Variants in PPP1R10 observed in about 807,000 individuals in gnomAD.
PPP1R10 encodes serine/threonine-protein phosphatase 1 regulatory subunit 10.
PPP1R10 carries 15 observed loss-of-function variants against 99.0 expected under a neutral mutation model. The ratio of observed to expected loss-of-function variants is 0.15; its 90% CI spans 0.10 to 0.23. PPP1R10 has a LOEUF of 0.23. Among genes scored for constraint, PPP1R10 ranks in the 10% least tolerant of loss-of-function variants. The pLI is 1.00. For missense variants in PPP1R10, 947 were observed against 1,259.4 expected, an observed-to-expected ratio of 0.75 and a Z score of 3.75; for synonymous variants, 430 against 449.5, an observed-to-expected ratio of 0.96 and a Z score of 0.55.
intron 6 of PPP1R10, among the ~76,000 whole-genome samples, chr6:30,607,057 G>C (rs1804025291): frequency 6.6e-6 from 1 of 152,178 alleles, no homozygotes; most frequent in African/African-American, 2.4e-5. Flanking sequence ...GTTCTACTTG[G>C]ATAACTTTCA....
Position 30,603,830 on chromosome 6 carries a change from C to G in PPP1R10, c.1522G>C (p.Asp508His), listed in dbSNP as rs1803634975. The change falls in exon 15 of 20, where the codon GAT becomes CAT. Residue 508 changes from aspartate (D) to histidine (H), a missense_variant. Coordinates refer to ENST00000376511, the MANE Select transcript of PPP1R10 (RefSeq NM_002714.4). ...GGTATGGGCTCGTAGGGCTCAGGAT[C>G]AGGCTCATGAGGACTATCAGGAACA... ...FLNKESPHEP[D>H]PEPYEPIPPK... 1 of 1,538,534 alleles carries G rather than the reference C, an allele frequency of 6.5e-7. No homozygotes were observed. Among genetic ancestry groups the G allele is most frequent in the Non-Finnish European group, 8.7e-7 (1 of 1,144,876 alleles).
At position 30,602,105 on chromosome 6, in the gene PPP1R10, A is replaced by G. The variant is rs776028371; in HGVS notation, c.2544T>C (p.His848=). 1.3e-6 allele frequency: 2 copies of G among 1,599,102 alleles called. No individual in the cohort carries two copies. The highest frequency in any genetic ancestry group is 1.7e-6 in the Non-Finnish European group (2 of 1,171,980). ...SMGGSGGHRP[H]EGPGHGGPHG... is the part of the protein sequence containing the mutation. The stretch of plus-strand genomic sequence containing the variant: ...GGGGCCCCCCGTGTCCAGGGCCTTC[A>G]TGGGGACGATGTCCACCACTTCCAC... Residue 848 remains histidine (H), a synonymous_variant, in exon 19 of 20, where the codon CAT becomes CAC. Transcript: ENST00000376511. This position sits in a 1 kb window ranked among gnomAD's most constrained non-coding sequence, Gnocchi z 6.7.
intron 2 of PPP1R10, among the ~76,000 whole-genome samples, chr6:30,615,193 C>A (rs1343010946): frequency 6.7e-6 from 1 of 148,802 alleles, no homozygotes; most frequent in Non-Finnish European, 1.5e-5. Context: ...CCGGCTCTGC[C>A]GGTAGCTTCA....
chr6:30,603,878 TGA>T, intron 14 of PPP1R10, 35 bp from the exon 15 acceptor site: 1 of 1,524,008 alleles, frequency 6.6e-7, no homozygotes. Context: ...GAAAAAAGAA[TGA>T]TAGTCAAGTT....
chr6:30,615,870 C>A (rs1289831777), intron 2 of PPP1R10, among the ~76,000 whole-genome samples: 3 of 152,046 alleles, frequency 2.0e-5, no homozygotes, highest in Non-Finnish European at 4.4e-5. Flanking sequence ...AGATTGCCAC[C>A]TATTTTAACC....
At chr6:30,611,284 TGA>T (rs1283911262) in intron 2 of PPP1R10, among the ~76,000 whole-genome samples, 2 of 152,100 alleles carry the variant, frequency 1.3e-5, no homozygotes, top group East Asian at 3.8e-4. Flanking sequence ...CACTCCAGCC[TGA>T]GAGACAGAGT....
At chr6:30,611,628 T>TG (rs1295330082) in intron 2 of PPP1R10, among the ~76,000 whole-genome samples, 3 of 152,176 alleles carry the variant, frequency 2.0e-5, no homozygotes, top group Non-Finnish European at 4.4e-5. Flanking sequence ...AAAACGTCAG[T>TG]AAGTTTCCAA....
chr6:30,607,329 G>C (rs1582656020), intron 6 of PPP1R10, among the ~76,000 whole-genome samples: 1 of 152,122 alleles, frequency 6.6e-6, no homozygotes, highest in African/African-American at 2.4e-5. Flanking sequence ...ACAATCTGAA[G>C]ACTTTTTATT....
chr6:30,603,156 A>G, intron 17 of PPP1R10, 54 bp downstream of exon 17: 4 of 1,549,240 alleles, frequency 2.6e-6, no homozygotes, highest in Non-Finnish European at 3.6e-6. Flanking sequence ...TGCTTCCCCC[A>G]ACTCCACTGC....
At position 30,604,780 on chromosome 6, in the gene PPP1R10, A is replaced by G. The variant is rs1274375472; in HGVS notation, c.955-45T>C. On this transcript the variant is annotated intron_variant, in intron 11 of 19. Transcript: ENST00000376511. This position sits in a 1 kb window ranked among gnomAD's most constrained non-coding sequence, Gnocchi z 7.3. ...AGTTAATGAACTGACTGGAAAGCCA[A>G]GGGCAAGGCAATTAGTCCAGGGTCC... 1.2e-6 allele frequency: 2 copies of G among 1,611,644 alleles called. No individual in the cohort carries two copies. The highest frequency in any genetic ancestry group is 2.2e-5 in the South Asian group (2 of 91,056).
rs1301934484 is a variant in PPP1R10 at position 30,602,492 on chromosome 6, A to C, written c.2157T>G (p.Pro719=). 1 of 1,570,214 alleles carries C rather than the reference A, an allele frequency of 6.4e-7. No individual in the cohort carries two copies. Among genetic ancestry groups the C allele is most frequent in the East Asian group, 2.3e-5 (1 of 43,810 alleles). ...GRGGNEPPPP[P]PPFRGARGGR... is the part of the protein sequence containing the mutation. ...CTCCTCTGGCGCCTCGGAATGGAGG[A>C]GGAGGAGGAGGAGGTTCGTTTCCTC... is the stretch of plus-strand genomic sequence containing the variant. Residue 719 remains proline (P), a synonymous_variant, in exon 19 of 20, where the codon CCT becomes CCG. Transcript: ENST00000376511. The surrounding 1 kb of genome is among the most constrained non-coding windows in gnomAD (Gnocchi z 6.7).
chr6:30,609,875 C>G lies in PPP1R10; in HGVS notation c.70G>C (p.Glu24Gln). 6.2e-7 allele frequency: 1 copy of G among 1,614,116 alleles called. No homozygotes were observed. The highest frequency in any genetic ancestry group is 8.5e-7 in the Non-Finnish European group (1 of 1,180,022). The change falls in exon 3 of 20, where the codon GAA (glutamate) becomes CAA (glutamine). Residue 24 changes from glutamate (E) to glutamine (Q), a missense_variant. Around this residue, in one of 10 missense-constraint regions of PPP1R10, gnomAD observed 82 missense variants for 117.3 expected, o/e 0.70. Coordinates refer to ENST00000376511, the MANE Select transcript of PPP1R10 (RefSeq NM_002714.4). The surrounding 1 kb of genome is among the most constrained non-coding windows in gnomAD (Gnocchi z 4.5). ...GAAATCCCATCCACACTTTTGACTT[C>G]CCCATCTCGGTTAAGGAAGCTGTCC... ...GLDSFLNRDGEVKSVDGISKI... is the reference protein window; with the variant it reads ...GLDSFLNRDGQVKSVDGISKI...
rs1804357986 is a variant in PPP1R10, at chr6:30,609,786, A to C, written c.107+52T>G. On this transcript the variant is annotated intron_variant, in intron 3 of 19. Transcript: ENST00000376511. This position sits in a 1 kb window ranked among gnomAD's most constrained non-coding sequence, Gnocchi z 4.5. ...TGTGCCTCAACTGCAGCCATGTTTT[A>C]ACACACAATATTCTCTACTCACAGT... 1.3e-6 allele frequency: 2 copies of C among 1,491,056 alleles called. No homozygotes were observed. Among genetic ancestry groups the C allele is most frequent in the Non-Finnish European group, 1.9e-6 (2 of 1,068,088 alleles). 92.4% of individuals were successfully genotyped at this position (1,491,056 alleles called of 1,614,324 possible). A position where few individuals can be genotyped will look rare whatever the true frequency, so the allele number is the denominator to read the frequency against.
In PPP1R10 at chr6:30,609,838, C is replaced by T. The variant is rs770162830; in HGVS notation, c.107G>A (p.Ser36Asn). Residue 36 changes from serine to asparagine, a missense_variant and splice_region_variant, in exon 3 of 20, where the codon AGT becomes AAT. Around this residue, in one of 10 missense-constraint regions of PPP1R10, gnomAD observed 82 missense variants for 117.3 expected, o/e 0.70. Transcript: ENST00000376511. This position sits in a 1 kb window ranked among gnomAD's most constrained non-coding sequence, Gnocchi z 4.5. ...KSVDGISKIF[S>N]LMKEARKMVS... ...AATACAAAAAGGGGTAAAGACTCAC[C>T]TGAAGATCTTGGAAATCCCATCCAC... 1.4e-5 allele frequency: 23 copies of T among 1,611,662 alleles called. No individual in the cohort carries two copies. Among genetic ancestry groups the T allele is most frequent in the Non-Finnish European group, 2.0e-5 (23 of 1,177,806 alleles).
chr6:30,604,858 T>C lies in PPP1R10; in HGVS notation c.955-123A>G. On this transcript the variant is annotated intron_variant, in intron 11 of 19. Transcript: ENST00000376511. This position sits in a 1 kb window ranked among gnomAD's most constrained non-coding sequence, Gnocchi z 7.3. ...ATAAAGGAAGACTCTGTCTCCACAA[T>C]GTCTCACCTGCACCAGTCTATATCC... is the stretch of plus-strand genomic sequence containing the variant. 6.6e-7 allele frequency: 1 copy of C among 1,518,462 alleles called. No homozygotes were observed. The highest frequency in any genetic ancestry group is 9.1e-7 in the Non-Finnish European group (1 of 1,095,270). 94.1% of individuals were successfully genotyped at this position (1,518,462 alleles called of 1,614,324 possible). A position where few individuals can be genotyped will look rare whatever the true frequency, so the allele number is the denominator to read the frequency against.
chr6:30,601,515 C>T lies in PPP1R10; in HGVS notation c.*34G>A, dbSNP rs762290679. The T allele has an allele frequency of 1.9e-6, 3 of 1,573,990 alleles. No homozygotes were observed. Among genetic ancestry groups the T allele is most frequent in the East Asian group, 4.5e-5 (2 of 44,658 alleles). ...GTGGAAAGAGCGAGGCTGCAGTCCA[C>T]AGGGGTTGTGTGAACAGGGCAGGCA... On this transcript the variant is annotated 3_prime_UTR_variant, in exon 20 of 20. Transcript: ENST00000376511.
In PPP1R10 at chr6:30,604,106, G is replaced by C. The variant is rs1254698832; in HGVS notation, c.1410C>G (p.Pro470=). The C allele has an allele frequency of 6.2e-7, 1 of 1,614,050 alleles. No individual in the cohort carries two copies. The change falls in exon 14 of 20, where the codon CCC becomes CCG. Residue 470 remains proline (P), a synonymous_variant. Transcript: ENST00000376511. The surrounding 1 kb of genome is among the most constrained non-coding windows in gnomAD (Gnocchi z 7.3). The part of the protein sequence containing the change: ...PWVCPRPLVL[P]SPLVTPGSNS... ...TGCTTCCAGGGGTGACAAGAGGTGA[G>C]GGCAGAACCAGGGGCCGGGGGCACA... is the stretch of plus-strand genomic sequence containing the variant.
Position 30,601,305 on chromosome 6 carries a change from TCTC to T in PPP1R10, c.*241_*243del. On this transcript the variant is annotated 3_prime_UTR_variant, in exon 20 of 20. Transcript: ENST00000376511. ...TTCTCAAAAAGTGAAGCCAACTGGG[TCTC>T]CTCTTCAGCAGTCCAGGAACGTTTC... 1 of 526,638 alleles carries T rather than the reference TCTC, an allele frequency of 1.9e-6. No homozygotes were observed. The highest frequency in any genetic ancestry group is 3.4e-6 in the Non-Finnish European group (1 of 297,218). The allele number at this position is 526,638 out of a possible 1,614,324, so 32.6% of individuals were successfully genotyped here. A position where few individuals can be genotyped will look rare whatever the true frequency, so the allele number is the denominator to read the frequency against.
chr6:30,604,928 C>T lies in PPP1R10; in HGVS notation c.954+66G>A, dbSNP rs1289995441. 6.4e-7 allele frequency: 1 copy of T among 1,556,496 alleles called. No homozygotes were observed. The highest frequency in any genetic ancestry group is 8.9e-7 in the Non-Finnish European group (1 of 1,129,480). ...TGTCCTCCCCGACAACTCCTAGCTG[C>T]TGTGCCCTTTCTTCTACTTTACCTT... is the stretch of plus-strand genomic sequence containing the variant. On this transcript the variant is annotated intron_variant, in intron 11 of 19. Coordinates refer to ENST00000376511, the MANE Select transcript of PPP1R10 (RefSeq NM_002714.4). The surrounding 1 kb of genome is among the most constrained non-coding windows in gnomAD (Gnocchi z 7.3).
Sources: gnomAD v4.1 joint callset for allele counts (sites outside exome capture counted in the v4.1 genomes callset) on GRCh38, gnomAD v4.1.1 for gene constraint, gnomAD v4.1.1 regional missense constraint, Gnocchi (gnomAD v3.1) non-coding constraint, MANE v1.5 for transcripts, NCBI Gene and HGNC (gene_info 2026-07-23, HGNC 2026-07-21) for gene names.